The following SLX4IP variants were observed in gnomAD, a reference collection of about 807,000 sequenced individuals.
SLX4IP encodes the protein SLX4 interacting protein.
SLX4IP carries 34 observed loss-of-function variants against 32.9 expected under a neutral mutation model. The ratio of observed to expected loss-of-function variants is 1.03; its 90% CI spans 0.79 to 1.38. SLX4IP has a LOEUF of 1.38. SLX4IP is among the 40% of genes most tolerant of loss of function. The pLI, the probability that SLX4IP is intolerant of heterozygous loss-of-function variation, is 0.00. For synonymous variants in SLX4IP, 172 were observed against 171.7 expected, an observed-to-expected ratio of 1.00 and a Z score of -0.01; for missense variants, 444 against 479.0, an observed-to-expected ratio of 0.93 and a Z score of 0.68.
At chr20:10,467,979 A>G (rs2065394773) in intron 2 of SLX4IP, among the ~76,000 whole-genome samples, 1 of 152,140 alleles carries the variant, frequency 6.6e-6, no homozygotes, top group East Asian at 1.9e-4. Context: ...TTGGATGACT[A>G]AAAATGTGTA....
intron 2 of SLX4IP, among the ~76,000 whole-genome samples, chr20:10,513,868 C>T (rs1397636145): frequency 6.6e-6 from 1 of 152,194 alleles, no homozygotes; most frequent in Non-Finnish European, 1.5e-5. Context: ...GAGTGGCCCA[C>T]ACTAGTCTCT....
At chr20:10,613,930 A>G (rs2066996788) in intron 6 of SLX4IP, 2 of 1,261,178 alleles carry the variant, frequency 1.6e-6, no homozygotes, top group Admixed American at 3.4e-5. Context: ...TACGCCTCCC[A>G]GTCTTGATCT....
chr20:10,503,369 T>C (rs528724779), intron 2 of SLX4IP, among the ~76,000 whole-genome samples: 17 of 152,254 alleles, frequency 1.1e-4, no homozygotes, highest in East Asian at 3.9e-4. Flanking sequence ...GGATGGACCA[T>C]TGAAGCAACC....
intron 2 of SLX4IP, among the ~76,000 whole-genome samples, chr20:10,548,742 G>A (rs115169932): frequency 0.011 from 1,664 of 152,266 alleles, 33 homozygotes; most frequent in African/African-American, 0.037. Flanking sequence ...TTTCCAGAAC[G>A]CCAAGGGGTA....
intron 3 of SLX4IP, among the ~76,000 whole-genome samples, chr20:10,557,125 CT>C (rs1199543341): frequency 6.6e-6 from 1 of 152,114 alleles, no homozygotes. Context: ...ACCACAGTTG[CT>C]TTTTAGACTG....
chr20:10,486,892 T>C (rs114677514), intron 2 of SLX4IP, among the ~76,000 whole-genome samples: 1,539 of 151,746 alleles, frequency 0.01, 27 homozygotes, highest in African/African-American at 0.035. Flanking sequence ...TAGAAGAAAG[T>C]AATGCCTGAA....
At chr20:10,545,019 G>A (rs949219958) in intron 2 of SLX4IP, among the ~76,000 whole-genome samples, 1 of 152,108 alleles carries the variant, frequency 6.6e-6, no homozygotes, top group African/African-American at 2.4e-5. Flanking sequence ...GCCCCTCTCT[G>A]TAATTGCTGA....
chr20:10,467,458 A>G (rs1266060272), intron 2 of SLX4IP, among the ~76,000 whole-genome samples: 3 of 152,234 alleles, frequency 2.0e-5, no homozygotes, highest in Non-Finnish European at 4.4e-5. Context: ...TTAAAGTGAA[A>G]GAAGTACCTC....
intron 4 of SLX4IP, among the ~76,000 whole-genome samples, chr20:10,594,278 T>C (rs2066745083): frequency 6.6e-6 from 1 of 152,180 alleles, no homozygotes; most frequent in East Asian, 1.9e-4. Flanking sequence ...GCATCGTAGG[T>C]CTTCCTGAGC....
At chr20:10,513,847 C>T (rs1290090234) in intron 2 of SLX4IP, among the ~76,000 whole-genome samples, 1 of 152,208 alleles carries the variant, frequency 6.6e-6, no homozygotes, top group African/African-American at 2.4e-5. Context: ...CTAGCGAGGA[C>T]AGTGGAGGGA....
chr20:10,468,780 G>A (rs1360841836), intron 2 of SLX4IP, among the ~76,000 whole-genome samples: 1 of 151,974 alleles, frequency 6.6e-6, no homozygotes. Flanking sequence ...TTTATGTTAT[G>A]TTTTATATAT....
chr20:10,474,011 T>C (rs1379366562), intron 2 of SLX4IP, among the ~76,000 whole-genome samples: 4 of 151,944 alleles, frequency 2.6e-5, no homozygotes, highest in African/African-American at 9.7e-5. Context: ...TTAGTAGAGA[T>C]GGGATTTCAC....
intron 2 of SLX4IP, among the ~76,000 whole-genome samples, chr20:10,459,152 A>T (rs2065314416): frequency 6.6e-6 from 1 of 152,172 alleles, no homozygotes; most frequent in Non-Finnish European, 1.5e-5. Flanking sequence ...GGCTACACGA[A>T]TGTCCTTTTT....
chr20:10,520,169 G>A (rs1345688998), intron 2 of SLX4IP, among the ~76,000 whole-genome samples: 1 of 152,094 alleles, frequency 6.6e-6, no homozygotes, highest in Non-Finnish European at 1.5e-5. Context: ...TCCTGCCTCA[G>A]CCTCCTGAGT....
At chr20:10,541,881 G>A (rs956584891) in intron 2 of SLX4IP, among the ~76,000 whole-genome samples, 1 of 152,198 alleles carries the variant, frequency 6.6e-6, no homozygotes, top group Non-Finnish European at 1.5e-5. Flanking sequence ...CCCTGGCTCT[G>A]TGGCCAGTAA....
chr20:10,504,135 C>T (rs1442501846), intron 2 of SLX4IP, among the ~76,000 whole-genome samples: 1 of 152,192 alleles, frequency 6.6e-6, no homozygotes, highest in African/African-American at 2.4e-5. Context: ...GCGCTCTTGA[C>T]CTTTCCTTTG....
intron 4 of SLX4IP, among the ~76,000 whole-genome samples, chr20:10,588,277 T>C (rs537510321): frequency 6.6e-6 from 1 of 152,282 alleles, no homozygotes; most frequent in Non-Finnish European, 1.5e-5. Flanking sequence ...TTATTTACCA[T>C]CAGGAAATGC....
intron 4 of SLX4IP, among the ~76,000 whole-genome samples, chr20:10,564,325 A>G (rs1314175304): frequency 1.3e-5 from 2 of 152,256 alleles, no homozygotes; most frequent in East Asian, 1.9e-4. Context: ...AGCCATGCCT[A>G]TTTCCTCCTC....
chr20:10,593,734 A>C (rs2066738363), intron 4 of SLX4IP, among the ~76,000 whole-genome samples: 1 of 149,896 alleles, frequency 6.7e-6, no homozygotes, highest in South Asian at 2.1e-4. Context: ...AGACCCTGTC[A>C]AAAAAAAAAT....
Sources: gnomAD v4.1 joint callset for allele counts (sites outside exome capture counted in the v4.1 genomes callset) on GRCh38, gnomAD v4.1.1 for gene constraint, MANE v1.5 for transcripts, NCBI Gene and HGNC (gene_info 2026-07-23, HGNC 2026-07-21) for gene names.